The following LIMK2 variants were observed in gnomAD, a reference collection of about 807,000 sequenced individuals.
The protein encoded by LIMK2 is LIM domain kinase 2.
LIMK2 carries 35 observed loss-of-function variants against 75.7 expected under a neutral mutation model. The ratio of observed to expected loss-of-function variants is 0.46; its 90% CI spans 0.35 to 0.61. The LOEUF is 0.61. Ranked by LOEUF, LIMK2 falls within the 20% of genes least tolerant of loss-of-function variation. The pLI is 0.00. For synonymous variants in LIMK2, 301 were observed against 319.2 expected, an observed-to-expected ratio of 0.94 and a Z score of 0.61; for missense variants, 623 against 831.0, an observed-to-expected ratio of 0.75 and a Z score of 3.08.
chr22:31,214,155 G>C (rs1330717792), intron 1 of LIMK2, among the ~76,000 whole-genome samples: 1 of 152,016 alleles, frequency 6.6e-6, no homozygotes, highest in Non-Finnish European at 1.5e-5. Context: ...TGTAATATAG[G>C]TTGCCTGTCT....
intron 1 of LIMK2, among the ~76,000 whole-genome samples, chr22:31,218,746 T>G (rs1434517196): frequency 2.0e-5 from 3 of 152,162 alleles, no homozygotes; most frequent in Admixed American, 2.0e-4. Context: ...CCAGAACAAG[T>G]GGGATTTATA....
chr22:31,262,232 T>C lies in LIMK2; in HGVS notation c.650T>C (p.Val217Ala). The change falls in exon 6 of 16, where the codon GTG becomes GCG. Residue 217 changes from valine (V) to alanine (A), a missense_variant. By Grantham distance (64) the Val-to-Ala change is moderately conservative (BLOSUM62 0). Around this residue, in one of 3 missense-constraint regions of LIMK2, gnomAD observed 514 missense variants for 661.3 expected, o/e 0.78. Transcript: ENST00000331728. The surrounding 1 kb of genome is among the most constrained non-coding windows in gnomAD (Gnocchi z 5.0). Reference sequence around the variant, plus strand: ...GGGACCCCCGTCCGCACACTTCGAGTGGAGGAGGTAGAGTGTGTGTCTAAT... The same window carrying C: ...GGGACCCCCGTCCGCACACTTCGAGCGGAGGAGGTAGAGTGTGTGTCTAAT... The part of the protein sequence containing the change: ...INGTPVRTLR[V>A]EEVEDAISQT... The C allele has an allele frequency of 6.2e-7, 1 of 1,609,868 alleles. No homozygotes were observed. The highest frequency in any genetic ancestry group is 8.5e-7 in the Non-Finnish European group (1 of 1,176,174).
chr22:31,241,537 C>G lies in LIMK2; in HGVS notation c.116+15718C>G, dbSNP rs541934199. Among the ~76,000 whole-genome samples the G allele has an allele frequency of 3.3e-5, 5 of 152,294 alleles. No individual in the cohort carries two copies. The East Asian group carries it at 9.7e-4, about 29-fold the overall frequency. ...TCTCCTCCTTTTTCCAGGCCCTGCT[C>G]TGACACAGCATTCATTCTCCTCTGG... On this transcript the variant is annotated intron_variant, in intron 2 of 15. Transcript: ENST00000331728.
At position 31,262,099 on chromosome 22, in the gene LIMK2, C is replaced by T; in HGVS notation, c.552-35C>T. Reference sequence around the variant, plus strand: ...GAATTGGTCAAGCAGGTTTTTAGGACATCTTTACCCTGCCTCAACTCTTGT... The same window carrying T: ...GAATTGGTCAAGCAGGTTTTTAGGATATCTTTACCCTGCCTCAACTCTTGT... On this transcript the variant is annotated intron_variant, in intron 5 of 15. Transcript: ENST00000331728. This position sits in a 1 kb window ranked among gnomAD's most constrained non-coding sequence, Gnocchi z 5.0. The T allele has an allele frequency of 6.4e-7, 1 of 1,551,836 alleles. No homozygotes were observed. Among genetic ancestry groups the T allele is most frequent in the Non-Finnish European group, 8.9e-7 (1 of 1,123,286 alleles).
At chr22:31,242,602 C>T in intron 2 of LIMK2, among the ~76,000 whole-genome samples, 1 of 152,154 alleles carries the variant, frequency 6.6e-6, no homozygotes, top group East Asian at 1.9e-4. Flanking sequence ...GACTTGGTAT[C>T]CTCATATGTC....
At chr22:31,242,717 T>C (rs1601415738) in intron 2 of LIMK2, among the ~76,000 whole-genome samples, 1 of 152,220 alleles carries the variant, frequency 6.6e-6, no homozygotes. Context: ...TCTTTTCTCT[T>C]TCCATGATAC....
intron 2 of LIMK2, among the ~76,000 whole-genome samples, chr22:31,245,325 G>A (rs1480338615): frequency 6.6e-6 from 1 of 151,972 alleles, no homozygotes; most frequent in Non-Finnish European, 1.5e-5. Flanking sequence ...TTTTGAGACA[G>A]AGTTTCACTC....
intron 2 of LIMK2, among the ~76,000 whole-genome samples, chr22:31,245,401 A>G (rs2048659165): frequency 6.6e-6 from 1 of 152,126 alleles, no homozygotes; most frequent in Non-Finnish European, 1.5e-5. Flanking sequence ...TCCTGGGTTC[A>G]AGCGATTCTC....
At chr22:31,265,409 A>C (rs2048884549) in intron 7 of LIMK2, among the ~76,000 whole-genome samples, 1 of 151,760 alleles carries the variant, frequency 6.6e-6, no homozygotes, top group African/African-American at 2.4e-5. Flanking sequence ...CTGGTGGCAC[A>C]TGCCTGTAGT....
chr22:31,217,438 G>C (rs1219651679), intron 1 of LIMK2, among the ~76,000 whole-genome samples: 1 of 151,822 alleles, frequency 6.6e-6, no homozygotes, highest in Non-Finnish European at 1.5e-5. Context: ...TAGACCTGTG[G>C]TCTAATCCCA....
chr22:31,244,453 C>G (rs1451206108), intron 2 of LIMK2, among the ~76,000 whole-genome samples: 2 of 152,148 alleles, frequency 1.3e-5, no homozygotes, highest in African/African-American at 4.8e-5. Flanking sequence ...GCTCCCAGCT[C>G]TCCAGCTGGG....
At chr22:31,254,609 T>C (rs7285716) in intron 2 of LIMK2, among the ~76,000 whole-genome samples, 33 of 152,204 alleles carry the variant, frequency 2.2e-4, no homozygotes, top group South Asian at 4.1e-4. Context: ...AGGAAGCCCC[T>C]GCTCCTACTG....
At chr22:31,219,006 G>T (rs2048411292) in intron 1 of LIMK2, among the ~76,000 whole-genome samples, 1 of 152,206 alleles carries the variant, frequency 6.6e-6, no homozygotes, top group African/African-American at 2.4e-5. Flanking sequence ...CAAGCTCTTA[G>T]ACCAAATTTA....
intron 2 of LIMK2, among the ~76,000 whole-genome samples, chr22:31,226,444 G>T (rs1268857547): frequency 5.9e-5 from 2 of 33,878 alleles, no homozygotes; most frequent in African/African-American, 4.2e-4. Context: ...CTCAAATGAT[G>T]CACCCACCTC....
At chr22:31,276,468 C>A (rs1402192990) in intron 15 of LIMK2, among the ~76,000 whole-genome samples, 3 of 144,986 alleles carry the variant, frequency 2.1e-5, no homozygotes. Flanking sequence ...GCGGCAGCCC[C>A]GGCGGCGGCC....
intron 2 of LIMK2, among the ~76,000 whole-genome samples, chr22:31,237,178 G>A (rs1315557234): frequency 1.4e-5 from 2 of 143,978 alleles, no homozygotes; most frequent in Admixed American, 6.9e-5. Flanking sequence ...GGAGAATGGC[G>A]TGAACCCGGG....
In LIMK2 at chr22:31,271,166, C is replaced by A; in HGVS notation, c.1348C>A (p.Arg450=). ...TTTGCACTCTATGTGCATCATCCAC[C>A]GGGATCTGAACTCGCACAACTGCCT... ...AYLHSMCIIH[R]DLNSHNCLIK... is the part of the protein sequence containing the mutation. The change falls in exon 12 of 16, where the codon CGG becomes AGG. Residue 450 remains arginine, a synonymous_variant. Coordinates refer to ENST00000331728, the MANE Select transcript of LIMK2 (RefSeq NM_005569.4). The A allele has an allele frequency of 6.2e-7, 1 of 1,614,074 alleles. No homozygotes were observed. Among genetic ancestry groups the A allele is most frequent in the Non-Finnish European group, 8.5e-7 (1 of 1,179,980 alleles).
At chr22:31,278,182 A>G in intron 15 of LIMK2, 115 bp from the exon 16 acceptor site, 1 of 837,166 alleles carries the variant, frequency 1.2e-6, no homozygotes. Context: ...CTACTAGGTG[A>G]AGGAGTTTGC....
intron 2 of LIMK2, 78 bp downstream of exon 2, chr22:31,225,897 A>G: frequency 9.3e-7 from 1 of 1,073,184 alleles, no homozygotes; most frequent in Non-Finnish European, 1.4e-6. Flanking sequence ...GAAAACACAG[A>G]AACAAGCTTC....
Sources: allele counts gnomAD v4.1 joint callset (sites outside exome capture counted in the v4.1 genomes callset), GRCh38; gene constraint gnomAD v4.1.1; regional missense constraint gnomAD v4.1.1; non-coding constraint Gnocchi (gnomAD v3.1); transcripts MANE v1.5; gene names NCBI Gene and HGNC (gene_info 2026-07-23, HGNC 2026-07-21).